The following NFIX variants were observed in gnomAD, a reference collection of about 807,000 sequenced individuals.
NFIX encodes the protein nuclear factor 1 X-type.
A neutral mutation model predicts 53.3 loss-of-function variants in NFIX; 2 were observed. The observed-to-expected ratio is 0.04, with a 90% CI of 0.02 to 0.12. The LOEUF is 0.12. NFIX is among the 10% of genes least tolerant of loss of function. The pLI, the probability that NFIX is intolerant of heterozygous loss-of-function variation, is 1.00. For synonymous variants in NFIX, 244 were observed against 289.0 expected, an observed-to-expected ratio of 0.84 and a Z score of 1.58; for missense variants, 310 against 674.5, an observed-to-expected ratio of 0.46 and a Z score of 5.99.
chr19:13,052,390 C>T lies in NFIX; in HGVS notation c.560-20657C>T, dbSNP rs543668116. On this transcript the variant is annotated intron_variant, in intron 2 of 10. Transcript: ENST00000592199. The surrounding 1 kb of genome is among the most constrained non-coding windows in gnomAD (Gnocchi z 5.2). The stretch of plus-strand genomic sequence containing the variant: ...CAGATGGGAGCCCACCTGGATGGCA[C>T]GAACCACCTGAGTGATCCCCCTGTT... 1.0e-3 allele frequency among the ~76,000 whole-genome samples: 159 copies of T among 152,290 alleles called. 1 individual carries two copies. Among genetic ancestry groups the T allele is most frequent in the African/African-American group, 3.7e-3 (153 of 41,554 alleles).
chr19:13,071,401 G>T (rs977879292), intron 2 of NFIX: 2 of 152,180 alleles, frequency 1.3e-5, no homozygotes, highest in African/African-American at 4.8e-5. Flanking sequence ...GGCACAGAGA[G>T]GCTGCCCTCT....
At chr19:13,047,558 C>T (rs947287200) in intron 2 of NFIX, among the ~76,000 whole-genome samples, 8 of 152,152 alleles carry the variant, frequency 5.3e-5, no homozygotes, top group Non-Finnish European at 1.5e-5. Context: ...GCTGCTTCGT[C>T]CAGGAAATAA....
chr19:13,054,437 G>A (rs1487292808), intron 2 of NFIX, among the ~76,000 whole-genome samples: 2 of 152,110 alleles, frequency 1.3e-5, no homozygotes, highest in Non-Finnish European at 2.9e-5. Flanking sequence ...TGCTCCCTGG[G>A]TTCCTAGGGG....
rs1196595188 is a variant in NFIX, at chr19:13,037,969, C to A, written c.559+12417C>A. On this transcript the variant is annotated intron_variant, in intron 2 of 10. Transcript: ENST00000592199. This position sits in a 1 kb window ranked among gnomAD's most constrained non-coding sequence, Gnocchi z 4.2. ...GCAGACCCTGCTGTGCGTGGTCTCT[C>A]CTCAGGACGCCTCTTGCCTCTGCTA... Among the ~76,000 whole-genome samples the A allele has an allele frequency of 6.6e-6, 1 of 152,174 alleles. No homozygotes were observed. Among genetic ancestry groups the A allele is most frequent in the African/African-American group, 2.4e-5 (1 of 41,442 alleles).
At chr19:13,018,237 T>C (rs2012767818) in intron 1 of NFIX, among the ~76,000 whole-genome samples, 1 of 149,076 alleles carries the variant, frequency 6.7e-6, no homozygotes, top group African/African-American at 2.5e-5. Flanking sequence ...GAGATGTGCC[T>C]GGAGCAGAGG....
chr19:13,029,256 C>T (rs2013610588), intron 2 of NFIX, among the ~76,000 whole-genome samples: 1 of 152,136 alleles, frequency 6.6e-6, no homozygotes, highest in Admixed American at 6.6e-5. Context: ...TGTTTTTGTG[C>T]ACATCTCTAA....
Position 13,078,082 on chromosome 19 carries a change from C to T in NFIX, c.956-531C>T, listed in dbSNP as rs143899760. Among the ~76,000 whole-genome samples, 63 of 152,334 alleles carry T rather than the reference C, an allele frequency of 4.1e-4. No individual in the cohort carries two copies. Among genetic ancestry groups the T allele is most frequent in the African/African-American group, 1.5e-3 (61 of 41,590 alleles). Reference sequence around the variant, plus strand: ...CCTCTGTCCCTGCTCTCTCGCTGGGCATTGTGTCCCTCCTGAGGGCTCATG... The same window carrying T: ...CCTCTGTCCCTGCTCTCTCGCTGGGTATTGTGTCCCTCCTGAGGGCTCATG... On this transcript the variant is annotated intron_variant, in intron 6 of 10. Coordinates refer to ENST00000592199, the MANE Select transcript of NFIX (RefSeq NM_001365902.3). This position sits in a 1 kb window ranked among gnomAD's most constrained non-coding sequence, Gnocchi z 4.7.
chr19:13,067,479 TGTGC>T lies in NFIX; in HGVS notation c.560-5564_560-5561del, dbSNP rs1251430686. ...GTGTGCGCGCGTGTGTGTGTGTGTG[TGTGC>T]GTGTGTGTGTGTGTGTGTGTGTATG... On this transcript the variant is annotated intron_variant, in intron 2 of 10. Transcript: ENST00000592199. This position sits in a 1 kb window ranked among gnomAD's most constrained non-coding sequence, Gnocchi z 4.2. 9.8e-5 allele frequency among the ~76,000 whole-genome samples: 9 copies of T among 92,102 alleles called. No homozygotes were observed. Among genetic ancestry groups the T allele is most frequent in the African/African-American group, 2.0e-4 (3 of 15,378 alleles). 60.4% of individuals were successfully genotyped at this position (92,102 alleles called of 152,430 possible).
Position 13,081,557 on chromosome 19 carries a change from G to C in NFIX, c.1079-123G>C. On this transcript the variant is annotated intron_variant, in intron 7 of 10. Transcript: ENST00000592199. The surrounding 1 kb of genome is among the most constrained non-coding windows in gnomAD (Gnocchi z 4.7). The stretch of plus-strand genomic sequence containing the variant: ...CCGCCTTAACTTTTGTGCCTGTGGC[G>C]GCTGCCTTACCTGCTCAGGATCCTC... 8.7e-6 allele frequency: 8 copies of C among 922,576 alleles called. No homozygotes were observed. The highest frequency in any genetic ancestry group is 1.2e-5 in the Non-Finnish European group (8 of 646,536). 57.1% of individuals were successfully genotyped at this position (922,576 alleles called of 1,614,324 possible).
At chr19:13,032,800 G>A (rs151092610) in intron 2 of NFIX, among the ~76,000 whole-genome samples, 1 of 152,308 alleles carries the variant, frequency 6.6e-6, no homozygotes, top group East Asian at 1.9e-4. Flanking sequence ...GGAAGGCCAT[G>A]TTTGTCCAAG....
chr19:13,068,104 C>CA lies in NFIX; in HGVS notation c.560-4933dup, dbSNP rs368967500. Reference sequence around the variant, plus strand: ...TGGGTGACAGAGCAAGACTCCATCTCAAAAAAAAAACAAAAACAAAAACAA... The same window carrying CA: ...TGGGTGACAGAGCAAGACTCCATCTCAAAAAAAAAAACAAAAACAAAAACAA... On this transcript the variant is annotated intron_variant, in intron 2 of 10. Coordinates refer to ENST00000592199, the MANE Select transcript of NFIX (RefSeq NM_001365902.3). This position sits in a 1 kb window ranked among gnomAD's most constrained non-coding sequence, Gnocchi z 4.2. Among the ~76,000 whole-genome samples the CA allele has an allele frequency of 9.5e-3, 1,365 of 144,122 alleles. 21 individuals carry two copies. Among genetic ancestry groups the CA allele is most frequent in the African/African-American group, 0.031 (1,197 of 39,186 alleles). The allele number at this position is 144,122 out of a possible 152,430, so 94.5% of individuals were successfully genotyped here.
chr19:13,023,931 T>A, intron 1 of NFIX: 1 of 608,366 alleles, frequency 1.6e-6, no homozygotes, highest in Non-Finnish European at 2.9e-6. Context: ...CCTCCCCTGC[T>A]CCTCCTCCTC....
intron 2 of NFIX, among the ~76,000 whole-genome samples, chr19:13,054,250 C>G (rs919609492): frequency 2.6e-5 from 4 of 152,194 alleles, no homozygotes; most frequent in Non-Finnish European, 5.9e-5. Context: ...CATCCCAGCT[C>G]CAGCTGACTT....
rs1195449343 is a variant in NFIX at position 13,027,132 on chromosome 19, G to A, written c.559+1580G>A. Among the ~76,000 whole-genome samples, 1 of 152,124 alleles carries A rather than the reference G, an allele frequency of 6.6e-6. No individual in the cohort carries two copies. Among genetic ancestry groups the A allele is most frequent in the African/African-American group, 2.4e-5 (1 of 41,426 alleles). Reference sequence around the variant, plus strand: ...GGTGGTATTGGAATTCTTGTCCTGAGAGGTTGCTTTGGTAACTGGTTAGAA... The same window carrying A: ...GGTGGTATTGGAATTCTTGTCCTGAAAGGTTGCTTTGGTAACTGGTTAGAA... On this transcript the variant is annotated intron_variant, in intron 2 of 10. Coordinates refer to ENST00000592199, the MANE Select transcript of NFIX (RefSeq NM_001365902.3). This position sits in a 1 kb window ranked among gnomAD's most constrained non-coding sequence, Gnocchi z 4.3.
rs1229293413 is a variant in NFIX, at chr19:13,025,463, C to G, written c.470C>G (p.Ser157Trp). 6.2e-7 allele frequency: 1 copy of G among 1,614,042 alleles called. No individual in the cohort carries two copies. The highest frequency in any genetic ancestry group is 8.5e-7 in the Non-Finnish European group (1 of 1,179,900). The change falls in exon 2 of 11, where the codon TCG (serine) becomes TGG (tryptophan). Residue 157 changes from serine (S) to tryptophan (W), a missense_variant. Physicochemically the swap from Ser to Trp is radical, Grantham distance 177. Around this residue, in one of 5 missense-constraint regions of NFIX, gnomAD observed 164 missense variants for 284.4 expected, o/e 0.58. Coordinates refer to ENST00000592199, the MANE Select transcript of NFIX (RefSeq NM_001365902.3). This position sits in a 1 kb window ranked among gnomAD's most constrained non-coding sequence, Gnocchi z 7.5. ...GERLYKSPQCSNPGLCVQPHH... is the reference protein window; with the variant it reads ...GERLYKSPQCWNPGLCVQPHH... ...CGGCTCTACAAGTCGCCTCAGTGCT[C>G]GAACCCCGGCCTGTGCGTCCAGCCA...
intron 8 of NFIX, among the ~76,000 whole-genome samples, chr19:13,084,791 C>T (rs745339699): frequency 1.3e-5 from 2 of 151,862 alleles, no homozygotes; most frequent in Admixed American, 1.3e-4. Flanking sequence ...AGGAGCTGGT[C>T]GGGCGCGGTG....
Position 13,049,523 on chromosome 19 carries a change from T to G in NFIX, c.560-23524T>G, listed in dbSNP as rs1328956266. Among the ~76,000 whole-genome samples the G allele has an allele frequency of 1.3e-5, 2 of 152,090 alleles. No homozygotes were observed. The highest frequency in any genetic ancestry group is 4.8e-5 in the African/African-American group (2 of 41,420). On this transcript the variant is annotated intron_variant, in intron 2 of 10. Transcript: ENST00000592199. The surrounding 1 kb of genome is among the most constrained non-coding windows in gnomAD (Gnocchi z 4.5). ...GAGATCATACACTATGTGGTCTTCA[T>G]GTCGGGCTTCTTTCACGGAGCATAA...
chr19:13,060,000 G>A (rs2015968758), intron 2 of NFIX, among the ~76,000 whole-genome samples: 2 of 151,856 alleles, frequency 1.3e-5, no homozygotes, highest in Non-Finnish European at 2.9e-5. Context: ...GTTGCCCTGG[G>A]TGGTCTCGAA....
In NFIX at chr19:13,043,107, G is replaced by A. The variant is rs2014751118; in HGVS notation, c.559+17555G>A. Among the ~76,000 whole-genome samples the A allele has an allele frequency of 6.6e-6, 1 of 152,190 alleles. No individual in the cohort carries two copies. The highest frequency in any genetic ancestry group is 6.5e-5 in the Admixed American group (1 of 15,292). On this transcript the variant is annotated intron_variant, in intron 2 of 10. Coordinates refer to ENST00000592199, the MANE Select transcript of NFIX (RefSeq NM_001365902.3). The surrounding 1 kb of genome is among the most constrained non-coding windows in gnomAD (Gnocchi z 4.0). The stretch of plus-strand genomic sequence containing the variant: ...TCTCCCATCCCTGTCATAGGTGTAT[G>A]TCCCGTTCCTGTATTTATTCTCTGC...
Sources: gnomAD v4.1 joint callset for allele counts (sites outside exome capture counted in the v4.1 genomes callset) on GRCh38, gnomAD v4.1.1 for gene constraint, gnomAD v4.1.1 regional missense constraint, Gnocchi (gnomAD v3.1) non-coding constraint, MANE v1.5 for transcripts, NCBI Gene and HGNC (gene_info 2026-07-23, HGNC 2026-07-21) for gene names.